Variants in HTT observed in about 807,000 individuals in gnomAD.
The protein encoded by HTT is huntingtin, also known as huntington disease protein.
A neutral mutation model predicts 362.3 loss-of-function variants in HTT; 104 were observed. The observed-to-expected ratio is 0.29, with a 90% CI of 0.24 to 0.34. The LOEUF is 0.34. Ranked by LOEUF, HTT falls within the 10% of genes least tolerant of loss-of-function variation. HTT has a pLI of 1.00. For synonymous variants in HTT, 1,577 were observed against 1,548.7 expected, an observed-to-expected ratio of 1.02 and a Z score of -0.43; for missense variants, 3,301 against 3,928.6, an observed-to-expected ratio of 0.84 and a Z score of 4.27.
chr4:3,115,382 A>G lies in HTT; in HGVS notation c.826A>G (p.Ser276Gly), dbSNP rs761090796. ...GCGGACAGCGGCTGGATCAGCAGTG[A>G]GCATCTGCCAGCACTCAAGAAGGAC... is the stretch of plus-strand genomic sequence containing the variant. ...IRRTAAGSAVSICQHSRRTQY... is the reference protein window; with the variant it reads ...IRRTAAGSAVGICQHSRRTQY... The change falls in exon 7 of 67, where the codon AGC becomes GGC. Residue 276 changes from serine to glycine, a missense_variant. Coordinates refer to ENST00000355072, the MANE Select transcript of HTT (RefSeq NM_001388492.1). The G allele has an allele frequency of 6.2e-7, 1 of 1,613,898 alleles. No homozygotes were observed.
chr4:3,145,540 G>C (rs12499033), intron 24 of HTT, among the ~76,000 whole-genome samples: 12,008 of 152,158 alleles, frequency 0.079, 533 homozygotes, highest in South Asian at 0.14. Context: ...AAAATTATTT[G>C]CTGTGAATTA....
chr4:3,216,172 C>T (rs1720387887), intron 51 of HTT, among the ~76,000 whole-genome samples: 1 of 152,198 alleles, frequency 6.6e-6, no homozygotes, highest in Non-Finnish European at 1.5e-5. Context: ...CTGCATAGTA[C>T]TTTTCTCTTC....
At chr4:3,078,714 A>G (rs992672144) in intron 1 of HTT, among the ~76,000 whole-genome samples, 5 of 149,990 alleles carry the variant, frequency 3.3e-5, no homozygotes, top group Non-Finnish European at 5.9e-5. Context: ...GATTATAGAC[A>G]TGCACTGCCA....
intron 60 of HTT, among the ~76,000 whole-genome samples, chr4:3,231,680 T>C (rs1721262009): frequency 1.3e-5 from 2 of 152,028 alleles, no homozygotes; most frequent in Admixed American, 6.5e-5. Context: ...AGTGTGTGGG[T>C]TCCCTGTGTG....
At chr4:3,152,355 C>T (rs1490141750) in intron 26 of HTT, among the ~76,000 whole-genome samples, 4 of 152,226 alleles carry the variant, frequency 2.6e-5, no homozygotes, top group Non-Finnish European at 5.9e-5. Flanking sequence ...GCCTCGGCCT[C>T]CCAAAGTGCT....
chr4:3,105,845 G>A (rs1350382979), intron 5 of HTT, among the ~76,000 whole-genome samples: 3 of 152,194 alleles, frequency 2.0e-5, no homozygotes, highest in African/African-American at 7.2e-5. Flanking sequence ...CCATTTGTCT[G>A]TTACATGAGT....
rs1202708405 is a variant in HTT, at chr4:3,099,353, G to A, written c.427G>A (p.Val143Ile). ...GTGCAGTGATGACGCAGAGTCAGAT[G>A]TCAGGATGGTGGCTGACGAATGCCT... ...LLCSDDAESDVRMVADECLNK... is the reference protein window; with the variant it reads ...LLCSDDAESDIRMVADECLNK... Residue 143 changes from valine (V) to isoleucine (I), a missense_variant, in exon 3 of 67, where the codon GTC becomes ATC. Physicochemically the swap from Val to Ile is conservative, Grantham distance 29 (BLOSUM62 3). Around this residue, in one of 4 missense-constraint regions of HTT, gnomAD observed 2,316 missense variants for 2,658.5 expected, o/e 0.87. Coordinates refer to ENST00000355072, the MANE Select transcript of HTT (RefSeq NM_001388492.1). 1.9e-6 allele frequency: 3 copies of A among 1,613,804 alleles called. No individual in the cohort carries two copies. The highest frequency in any genetic ancestry group is 4.5e-5 in the East Asian group (2 of 44,888).
At chr4:3,092,662 A>G (rs1391650898) in intron 2 of HTT, among the ~76,000 whole-genome samples, 1 of 152,236 alleles carries the variant, frequency 6.6e-6, no homozygotes, top group Non-Finnish European at 1.5e-5. Context: ...GATTACAGGC[A>G]TGAGCCACCA....
intron 4 of HTT, among the ~76,000 whole-genome samples, chr4:3,104,780 T>C (rs1162690734): frequency 6.6e-6 from 1 of 152,074 alleles, no homozygotes; most frequent in African/African-American, 2.4e-5. Flanking sequence ...GGTGCACAAC[T>C]ATAGTCTCAG....
chr4:3,200,344 G>C (rs1719471302), intron 41 of HTT, among the ~76,000 whole-genome samples: 1 of 152,186 alleles, frequency 6.6e-6, no homozygotes. Flanking sequence ...TGAAGTAACA[G>C]TGTAGCAAAT....
Position 3,178,334 on chromosome 4 carries a change from C to T in HTT, c.4500C>T (p.Phe1500=). 6.2e-7 allele frequency: 1 copy of T among 1,610,218 alleles called. No homozygotes were observed. The highest frequency in any genetic ancestry group is 8.5e-7 in the Non-Finnish European group (1 of 1,176,934). ...CAATCATTCCAAACATCTTTTTCTTCTTGGTATTACTATCTTATGAACGCT... is the reference window on the plus strand; with the variant it reads ...CAATCATTCCAAACATCTTTTTCTTTTTGGTATTACTATCTTATGAACGCT... ...SEAIIPNIFF[F]LVLLSYERYH... is the part of the protein sequence containing the mutation. The change falls in exon 35 of 67, where the codon TTC becomes TTT. Residue 1500 remains phenylalanine, a synonymous_variant. Transcript: ENST00000355072.
intron 29 of HTT, among the ~76,000 whole-genome samples, chr4:3,169,022 C>CTTTTTTTTTTTT (rs761540640): frequency 7.1e-6 from 1 of 141,112 alleles, no homozygotes. Context: ...TTCTTTCTTT[C>CTTTTTTTTTTTT]TTTTTTTTTT....
intron 35 of HTT, 87 bp downstream of exon 35, chr4:3,178,533 C>G (rs1718349511): frequency 8.6e-7 from 1 of 1,158,746 alleles, no homozygotes; most frequent in African/African-American, 1.5e-5. Context: ...TGAACGTTGT[C>G]AGTGGCAGCC....
chr4:3,108,637 A>G (rs1466396242), intron 6 of HTT, among the ~76,000 whole-genome samples: 1 of 152,244 alleles, frequency 6.6e-6, no homozygotes, highest in Non-Finnish European at 1.5e-5. Flanking sequence ...CCATTTGAGT[A>G]TGATGATGCT....
intron 29 of HTT, among the ~76,000 whole-genome samples, chr4:3,169,025 T>TCTTTC (rs74754368): frequency 3.4e-5 from 5 of 149,022 alleles, no homozygotes; most frequent in African/African-American, 1.0e-4. Flanking sequence ...TTTCTTTCTT[T>TCTTTC]TTTTTTTTTT....
chr4:3,232,269 C>T (rs986046469), intron 60 of HTT, among the ~76,000 whole-genome samples: 14 of 152,286 alleles, frequency 9.2e-5, no homozygotes, highest in South Asian at 6.2e-4. Context: ...CTGTGTCGTC[C>T]GGCCATTTCC....
At chr4:3,126,102 G>A (rs1197375447) in intron 11 of HTT, among the ~76,000 whole-genome samples, 1 of 152,200 alleles carries the variant, frequency 6.6e-6, no homozygotes, top group African/African-American at 2.4e-5. Context: ...AGTGTCACTG[G>A]AGTGCAGTGG....
At chr4:3,090,841 G>A (rs1713465530) in intron 2 of HTT, among the ~76,000 whole-genome samples, 1 of 152,238 alleles carries the variant, frequency 6.6e-6, no homozygotes, top group Admixed American at 6.5e-5. Flanking sequence ...GCCTGGTGTG[G>A]TGGCCCATGC....
intron 28 of HTT, 136 bp from the exon 29 acceptor site, chr4:3,160,146 A>C: frequency 1.7e-6 from 1 of 594,294 alleles, no homozygotes; most frequent in Admixed American, 2.6e-5. Context: ...ACACGCAGAC[A>C]CACCCTGCAA....
Sources: allele counts gnomAD v4.1 joint callset (sites outside exome capture counted in the v4.1 genomes callset), GRCh38; gene constraint gnomAD v4.1.1; regional missense constraint gnomAD v4.1.1; transcripts MANE v1.5; gene names NCBI Gene and HGNC (gene_info 2026-07-23, HGNC 2026-07-21).